Variants in CCDC12 observed in about 807,000 individuals in gnomAD.
The protein encoded by CCDC12 is coiled-coil domain-containing protein 12.
A neutral mutation model predicts 25.7 loss-of-function variants in CCDC12; 28 were observed. The ratio of observed to expected loss-of-function variants is 1.09; its 90% CI spans 0.81 to 1.50. The LOEUF is 1.50. Ranked by LOEUF, CCDC12 falls within the 40% of genes most tolerant of loss-of-function variation. The probability of loss-of-function intolerance (pLI) is 0.00; values close to 1 mark genes in which losing one functional copy is unlikely to be tolerated. For missense variants in CCDC12, 198 were observed against 210.0 expected (o/e 0.94, Z 0.35); for synonymous variants, 75 against 87.7 (o/e 0.86, Z 0.81).
At chr3:46,950,450 T>TAGGAC (rs1332994416) in intron 1 of CCDC12, among the ~76,000 whole-genome samples, 1 of 150,688 alleles carries the variant, frequency 6.6e-6, no homozygotes, top group Non-Finnish European at 1.5e-5. Flanking sequence ...TAGGAGTAGC[T>TAGGAC]AGGACTACAG....
chr3:46,980,444 C>G (rs1343776273), upstream of CCDC12, among the ~76,000 whole-genome samples: 1 of 152,090 alleles, frequency 6.6e-6, no homozygotes, highest in Non-Finnish European at 1.5e-5. Context: ...GTTGCATCCC[C>G]CCACACCCCA....
At chr3:46,929,193 T>A (rs2033102680) in intron 2 of CCDC12, among the ~76,000 whole-genome samples, 1 of 152,212 alleles carries the variant, frequency 6.6e-6, no homozygotes, top group South Asian at 2.1e-4. Flanking sequence ...AAGTTAAGGA[T>A]GTATGTTGTT....
intron 2 of CCDC12, among the ~76,000 whole-genome samples, chr3:46,940,135 G>A (rs572669358): frequency 1.3e-5 from 2 of 152,356 alleles, no homozygotes; most frequent in African/African-American, 4.8e-5. Flanking sequence ...TGACACGGGA[G>A]TGGTAGTCAG....
chr3:46,934,211 G>A (rs2033350016), intron 2 of CCDC12, among the ~76,000 whole-genome samples: 1 of 152,252 alleles, frequency 6.6e-6, no homozygotes, highest in Non-Finnish European at 1.5e-5. Flanking sequence ...CCAGATGTTG[G>A]GGGACAGGGG....
rs1414834692 is a variant in CCDC12 at position 46,969,889 on chromosome 3, G to C, written c.96+6748C>G. ...AAACTAACTAAAATTAAATGTCGCA[G>C]TAGCCATATTTCTTTTTTTTTTTTT... is the stretch of plus-strand genomic sequence containing the variant. On this transcript the variant is annotated intron_variant, in intron 1 of 6. Transcript: ENST00000683445. 2.1e-5 allele frequency among the ~76,000 whole-genome samples: 3 copies of C among 144,850 alleles called. No individual in the cohort carries two copies. In the East Asian group the frequency reaches 6.1e-4, roughly 30 times the overall value.
chr3:46,940,731 G>C, intron 2 of CCDC12: 1 of 500,106 alleles, frequency 2.0e-6, no homozygotes, highest in Non-Finnish European at 3.6e-6. Context: ...TATGAGAAGG[G>C]TAAAAAGGCA....
intron 1 of CCDC12, among the ~76,000 whole-genome samples, chr3:46,957,714 G>A (rs1480245914): frequency 2.6e-5 from 4 of 152,060 alleles, no homozygotes; most frequent in African/African-American, 4.8e-5. Flanking sequence ...GGCCAAGGTG[G>A]GTGGATCACC....
At chr3:46,973,258 C>T (rs1575566879) in intron 1 of CCDC12, among the ~76,000 whole-genome samples, 1 of 150,236 alleles carries the variant, frequency 6.7e-6, no homozygotes, top group South Asian at 2.1e-4. Context: ...GAGGCTAAGG[C>T]AGGAGAATCG....
chr3:46,951,798 A>AAAAAAAAAAAT, intron 1 of CCDC12, among the ~76,000 whole-genome samples: 1 of 8,468 alleles, frequency 1.2e-4, no homozygotes, highest in African/African-American at 2.5e-4. Context: ...AAAAAAAAAA[A>AAAAAAAAAAAT]ATATATATAT....
At chr3:46,971,542 GAAT>G (rs1455275833) in intron 1 of CCDC12, among the ~76,000 whole-genome samples, 2 of 152,220 alleles carry the variant, frequency 1.3e-5, no homozygotes, top group East Asian at 1.9e-4. Context: ...GTTTTGCGCA[GAAT>G]AATACACGGA....
intron 2 of CCDC12, among the ~76,000 whole-genome samples, chr3:46,936,868 C>T (rs2033464976): frequency 6.6e-6 from 1 of 152,224 alleles, no homozygotes; most frequent in Non-Finnish European, 1.5e-5. Flanking sequence ...GGAGCCGAGA[C>T]ACTCACAGGC....
At chr3:46,948,702 C>T (rs1385212812) in intron 1 of CCDC12, among the ~76,000 whole-genome samples, 1 of 152,244 alleles carries the variant, frequency 6.6e-6, no homozygotes, top group Non-Finnish European at 1.5e-5. Flanking sequence ...CGCTGGGCCC[C>T]ACCATCCATA....
At chr3:46,932,990 AC>A (rs2033292760) in intron 2 of CCDC12, among the ~76,000 whole-genome samples, 1 of 152,164 alleles carries the variant, frequency 6.6e-6, no homozygotes, top group South Asian at 2.1e-4. Context: ...CTAGGGGTGG[AC>A]CCCACACCAG....
chr3:46,956,441 G>A (rs1343005121), intron 1 of CCDC12, among the ~76,000 whole-genome samples: 1 of 152,228 alleles, frequency 6.6e-6, no homozygotes, highest in African/African-American at 2.4e-5. Context: ...ACTGCATGAG[G>A]CCACACTCAG....
chr3:46,969,973 G>A (rs2034757017), intron 1 of CCDC12, among the ~76,000 whole-genome samples: 1 of 147,782 alleles, frequency 6.8e-6, no homozygotes, highest in Admixed American at 6.9e-5. Context: ...CGTGATCTCA[G>A]CTCATTGCAA....
chr3:46,972,265 T>C (rs1212292324), intron 1 of CCDC12, among the ~76,000 whole-genome samples: 3 of 152,182 alleles, frequency 2.0e-5, no homozygotes, highest in Non-Finnish European at 1.5e-5. Context: ...GGCCAGGTGT[T>C]TGAGATCAGC....
At chr3:46,970,517 A>G (rs1469180490) in intron 1 of CCDC12, among the ~76,000 whole-genome samples, 2 of 152,216 alleles carry the variant, frequency 1.3e-5, no homozygotes, top group Non-Finnish European at 2.9e-5. Context: ...CACTGCACAA[A>G]GTTCTAGTGA....
intron 1 of CCDC12, among the ~76,000 whole-genome samples, chr3:46,969,981 C>T (rs1303324597): frequency 6.7e-6 from 1 of 148,588 alleles, no homozygotes; most frequent in Non-Finnish European, 1.5e-5. Context: ...CAGCTCATTG[C>T]AACCTCTGCC....
At chr3:46,930,354 A>T (rs2033157096) in intron 2 of CCDC12, among the ~76,000 whole-genome samples, 1 of 152,252 alleles carries the variant, frequency 6.6e-6, no homozygotes, top group Non-Finnish European at 1.5e-5. Flanking sequence ...CCAGCACCTC[A>T]GCTCTGCTGG....
Sources: allele counts gnomAD v4.1 joint callset (sites outside exome capture counted in the v4.1 genomes callset), GRCh38; gene constraint gnomAD v4.1.1; transcripts MANE v1.5; gene names NCBI Gene and HGNC (gene_info 2026-07-23, HGNC 2026-07-21).